BRINP1: variants seen among roughly 807,000 people sequenced by gnomAD.
BRINP1 encodes BMP/retinoic acid inducible neural specific 1, also known as BMP/retinoic acid-inducible neural-specific protein 1.
A neutral mutation model predicts 72.9 loss-of-function variants in BRINP1; 17 were observed. The observed-to-expected ratio is 0.23, with a 90% CI of 0.16 to 0.35. The LOEUF (loss-of-function observed/expected upper bound fraction) is 0.35, where lower values mean the gene tolerates loss of function less well. Among genes scored for constraint, BRINP1 ranks in the 10% least tolerant of loss-of-function variants. BRINP1 has a pLI of 1.00. For synonymous variants in BRINP1, 418 were observed against 378.5 expected (o/e 1.10, Z -1.21); for missense variants, 850 against 1,001.6 (o/e 0.85, Z 2.04).
intron 3 of BRINP1, among the ~76,000 whole-genome samples, chr9:119,247,495 A>T (rs951897412): frequency 4.0e-5 from 6 of 151,814 alleles, no homozygotes; most frequent in Non-Finnish European, 5.9e-5. Context: ...ACTAAAAAAA[A>T]ATATAAAAAA....
chr9:119,237,357 T>C (rs868387761), intron 5 of BRINP1, among the ~76,000 whole-genome samples: 4 of 150,190 alleles, frequency 2.7e-5, no homozygotes, highest in Middle Eastern at 6.9e-3. Context: ...ATTATTATTA[T>C]TATTATTATT....
chr9:119,224,333 T>C (rs374860059), intron 5 of BRINP1, among the ~76,000 whole-genome samples: 1 of 152,230 alleles, frequency 6.6e-6, no homozygotes, highest in African/African-American at 2.4e-5. Flanking sequence ...ATAGTATATA[T>C]GGTCCAGCAT....
chr9:119,190,542 G>A lies in BRINP1; in HGVS notation c.1145+18177C>T, dbSNP rs187385838. Reference sequence around the variant, plus strand: ...TGAACAATTATATGCCAACAAATTGGATAACCTGGAGGAAATGGATAAATT... The same window carrying A: ...TGAACAATTATATGCCAACAAATTGAATAACCTGGAGGAAATGGATAAATT... On this transcript the variant is annotated intron_variant, in intron 7 of 7. Coordinates refer to ENST00000265922, the MANE Select transcript of BRINP1 (RefSeq NM_014618.3). Among the ~76,000 whole-genome samples, 294 of 151,938 alleles carry A rather than the reference G, an allele frequency of 1.9e-3. 1 individual carries two copies. The highest frequency in any genetic ancestry group is 3.4e-3 in the Non-Finnish European group (234 of 67,836).
chr9:119,277,059 A>G (rs1291861191), intron 2 of BRINP1, among the ~76,000 whole-genome samples: 1 of 152,202 alleles, frequency 6.6e-6, no homozygotes, highest in East Asian at 1.9e-4. Flanking sequence ...AAATGAAATC[A>G]TAGAGTGTGT....
intron 3 of BRINP1, among the ~76,000 whole-genome samples, chr9:119,245,822 G>A (rs1421947012): frequency 1.3e-5 from 2 of 152,096 alleles, no homozygotes; most frequent in Non-Finnish European, 2.9e-5. Flanking sequence ...GAACACAGTG[G>A]TCTTAGAAAA....
chr9:119,223,187 A>G (rs1263945171), intron 5 of BRINP1, among the ~76,000 whole-genome samples: 5 of 152,114 alleles, frequency 3.3e-5, no homozygotes, highest in Admixed American at 2.0e-4. Context: ...AGCTTCTTTC[A>G]TAAAGCTAGT....
chr9:119,224,924 GGAAAC>G (rs1830074916), intron 5 of BRINP1, among the ~76,000 whole-genome samples: 1 of 151,870 alleles, frequency 6.6e-6, no homozygotes, highest in African/African-American at 2.4e-5. Flanking sequence ...TCCTCTTAGA[GGAAAC>G]GAACAATAAT....
intron 1 of BRINP1, among the ~76,000 whole-genome samples, chr9:119,321,434 C>G (rs1587960084): frequency 6.6e-6 from 1 of 152,320 alleles, no homozygotes; most frequent in East Asian, 1.9e-4. Context: ...CATAAAAATA[C>G]ACACCAGCAT....
intron 5 of BRINP1, among the ~76,000 whole-genome samples, chr9:119,221,336 C>T (rs1372127065): frequency 6.6e-6 from 1 of 152,092 alleles, no homozygotes; most frequent in Non-Finnish European, 1.5e-5. Flanking sequence ...CCAGGGATTT[C>T]AGACTGGCAG....
At chr9:119,258,074 C>A (rs959116951) in intron 2 of BRINP1, among the ~76,000 whole-genome samples, 13 of 152,160 alleles carry the variant, frequency 8.5e-5, no homozygotes, top group African/African-American at 2.4e-4. Flanking sequence ...ATCAACTTAA[C>A]TTTAGAGAAT....
intron 4 of BRINP1, 50 bp downstream of exon 4, chr9:119,241,997 A>AG (rs763464546): frequency 1.9e-6 from 3 of 1,566,922 alleles, no homozygotes; most frequent in Non-Finnish European, 2.6e-6. Flanking sequence ...CCTGCATTGC[A>AG]GTGTTGTTGT....
intron 1 of BRINP1, among the ~76,000 whole-genome samples, chr9:119,355,744 A>T (rs1010941866): frequency 2.6e-5 from 4 of 151,638 alleles, no homozygotes; most frequent in Admixed American, 1.3e-4. Flanking sequence ...AAAAAAAAAA[A>T]AGATACACCC....
At chr9:119,317,140 G>C (rs1157883261) in intron 1 of BRINP1, among the ~76,000 whole-genome samples, 2 of 149,044 alleles carry the variant, frequency 1.3e-5, no homozygotes, top group Non-Finnish European at 2.9e-5. Flanking sequence ...TACTGCTATA[G>C]CTGCCATAAA....
chr9:119,168,245 G>A (rs1356903809), intron 7 of BRINP1, 21 bp from the exon 8 acceptor site: 7 of 1,484,156 alleles, frequency 4.7e-6, no homozygotes, highest in Non-Finnish European at 5.4e-6. Flanking sequence ...AAGGAAAATT[G>A]GAGAAGGTTA....
chr9:119,229,588 G>A (rs970117833), intron 5 of BRINP1, among the ~76,000 whole-genome samples: 1 of 152,108 alleles, frequency 6.6e-6, no homozygotes. Flanking sequence ...AAAGAAGCCA[G>A]GAGGCTTCTC....
intron 7 of BRINP1, among the ~76,000 whole-genome samples, chr9:119,185,221 T>C (rs1564212071): frequency 6.6e-6 from 1 of 152,018 alleles, no homozygotes; most frequent in African/African-American, 2.4e-5. Flanking sequence ...CCTCTCCAAA[T>C]AATAGAATAA....
intron 2 of BRINP1, among the ~76,000 whole-genome samples, chr9:119,258,403 G>A (rs190174406): frequency 1.3e-5 from 2 of 152,136 alleles, no homozygotes; most frequent in Non-Finnish European, 2.9e-5. Flanking sequence ...GAGGGCAGGG[G>A]GCCATAATGG....
chr9:119,285,841 T>C (rs1830756030), intron 2 of BRINP1, among the ~76,000 whole-genome samples: 1 of 152,170 alleles, frequency 6.6e-6, no homozygotes, highest in African/African-American at 2.4e-5. Context: ...GGGGCTCTTT[T>C]CCTGGTATTC....
At chr9:119,345,134 A>G (rs1831437623) in intron 1 of BRINP1, among the ~76,000 whole-genome samples, 1 of 152,172 alleles carries the variant, frequency 6.6e-6, no homozygotes, top group Admixed American at 6.5e-5. Flanking sequence ...ATTCACATAC[A>G]CATTTGATTC....
Sources: allele counts gnomAD v4.1 joint callset (sites outside exome capture counted in the v4.1 genomes callset), GRCh38; gene constraint gnomAD v4.1.1; transcripts MANE v1.5; gene names NCBI Gene and HGNC (gene_info 2026-07-23, HGNC 2026-07-21).